The following NLGN4X variants were observed in gnomAD, a reference collection of about 807,000 sequenced individuals.
NLGN4X encodes neuroligin 4 X-linked.
A neutral mutation model predicts 40.3 loss-of-function variants in NLGN4X; 3 were observed. That is an observed-to-expected ratio of 0.07 (90% confidence interval 0.03 to 0.19). NLGN4X has a LOEUF of 0.19. Among genes scored for constraint, NLGN4X ranks in the 10% least tolerant of loss-of-function variants. NLGN4X has a pLI of 1.00. For missense variants in NLGN4X, 382 were observed against 708.3 expected, an observed-to-expected ratio of 0.54 and a Z score of 5.23; for synonymous variants, 270 against 306.8, an observed-to-expected ratio of 0.88 and a Z score of 1.25.
intron 3 of NLGN4X, among the ~76,000 whole-genome samples, chrX:5,945,029 A>G (rs1340261434): frequency 8.9e-6 from 1 of 112,346 alleles, no homozygotes; most frequent in Non-Finnish European, 1.9e-5. Flanking sequence ...GTAGTGTCTA[A>G]TAAAACAAAA....
At chrX:6,033,337 G>T (rs1177428648) in intron 2 of NLGN4X, among the ~76,000 whole-genome samples, 1 of 111,804 alleles carries the variant, frequency 8.9e-6, no homozygotes, top group Non-Finnish European at 1.9e-5. Flanking sequence ...AGTCAGAATT[G>T]TGACTAATTT....
chrX:5,944,024 C>T (rs1362495881), intron 3 of NLGN4X, among the ~76,000 whole-genome samples: 1 of 111,998 alleles, frequency 8.9e-6, no homozygotes, highest in Non-Finnish European at 1.9e-5. Context: ...CTCACCAACC[C>T]TGGATCTGGA....
chrX:6,195,185 C>G (rs759516662), intron 1 of NLGN4X, among the ~76,000 whole-genome samples: 1 of 111,963 alleles, frequency 8.9e-6, no homozygotes, highest in Admixed American at 9.5e-5. Context: ...CAGCATCTAA[C>G]TTGCTGAATT....
chrX:5,990,480 C>T (rs1004887219), intron 3 of NLGN4X, among the ~76,000 whole-genome samples: 5 of 111,377 alleles, frequency 4.5e-5, no homozygotes, highest in African/African-American at 9.8e-5. Flanking sequence ...CTGCATATCA[C>T]GAATGCTGGT....
At chrX:6,163,561 C>T (rs1356760860) in intron 1 of NLGN4X, among the ~76,000 whole-genome samples, 1 of 112,012 alleles carries the variant, frequency 8.9e-6, no homozygotes, top group Non-Finnish European at 1.9e-5. Context: ...CCACTGCCTC[C>T]CACCTGCTCC....
intron 2 of NLGN4X, among the ~76,000 whole-genome samples, chrX:6,087,273 A>G (rs1442871038): frequency 9.0e-6 from 1 of 111,428 alleles, no homozygotes; most frequent in African/African-American, 3.3e-5. Context: ...TTTTTTTAAT[A>G]CAGCAACATA....
At chrX:5,921,353 G>GCTT (rs1157472377) in intron 3 of NLGN4X, among the ~76,000 whole-genome samples, 1 of 99,652 alleles carries the variant, frequency 1.0e-5, no homozygotes, top group Non-Finnish European at 2.0e-5. Context: ...ACCCTAAGCT[G>GCTT]CTTCTCACTG....
At chrX:5,979,678 T>A (rs1422911478) in intron 3 of NLGN4X, among the ~76,000 whole-genome samples, 1 of 108,930 alleles carries the variant, frequency 9.2e-6, no homozygotes, top group Non-Finnish European at 1.9e-5. Context: ...TTCTGTCCAA[T>A]TGTTATGGGG....
intron 3 of NLGN4X, among the ~76,000 whole-genome samples, chrX:6,019,416 T>G: frequency 9.0e-6 from 1 of 111,703 alleles, no homozygotes; most frequent in Middle Eastern, 4.6e-3. Flanking sequence ...CTTGAGATGT[T>G]TTGGTACAGG....
intron 2 of NLGN4X, among the ~76,000 whole-genome samples, chrX:6,145,973 G>A (rs1336793668): frequency 9.0e-6 from 1 of 110,499 alleles, no homozygotes; most frequent in African/African-American, 3.3e-5. Context: ...AGATTAGCCA[G>A]GTATGGTGGA....
chrX:6,043,882 A>G (rs1332775168), intron 2 of NLGN4X, among the ~76,000 whole-genome samples: 1 of 111,285 alleles, frequency 9.0e-6, no homozygotes, highest in African/African-American at 3.3e-5. Flanking sequence ...TTTGGAAGAT[A>G]GAGTAATTAT....
At chrX:6,088,711 T>C (rs1253885132) in intron 2 of NLGN4X, among the ~76,000 whole-genome samples, 1 of 112,181 alleles carries the variant, frequency 8.9e-6, no homozygotes, top group Non-Finnish European at 1.9e-5. Flanking sequence ...TACTACTGTC[T>C]GTGTAGCTTT....
At position 6,044,734 on chromosome X, in the gene NLGN4X, A is replaced by ATCCC. The variant is rs2037268419; in HGVS notation, c.473-15303_473-15302insGGGA. Among the ~76,000 whole-genome samples the ATCCC allele has an allele frequency of 4.5e-5, 5 of 111,643 alleles. No individual in the cohort carries two copies. The Admixed American group carries it at 4.8e-4, about 11-fold the overall frequency. Reference sequence around the variant, plus strand: ...ACCCCTCTGGTGGGTGATGTGGAAAATAGGGAAGACCGTCCATGTATGGGG... The same window carrying ATCCC: ...ACCCCTCTGGTGGGTGATGTGGAAAATCCCTAGGGAAGACCGTCCATGTATGGGG... On this transcript the variant is annotated intron_variant, in intron 2 of 5. Transcript: ENST00000381095.
At chrX:6,192,236 T>C (rs756542066) in intron 1 of NLGN4X, among the ~76,000 whole-genome samples, 2 of 111,238 alleles carry the variant, frequency 1.8e-5, no homozygotes, top group South Asian at 7.7e-4. Context: ...CAAGCGATCC[T>C]CCCACCTCAG....
chrX:6,225,516 T>C, intron 1 of NLGN4X, among the ~76,000 whole-genome samples: 1 of 108,374 alleles, frequency 9.2e-6, no homozygotes, highest in Non-Finnish European at 1.9e-5. Flanking sequence ...CAAAGTCAGG[T>C]GTTTGCACCC....
intron 3 of NLGN4X, among the ~76,000 whole-genome samples, chrX:5,945,387 T>C (rs534461239): frequency 8.9e-6 from 1 of 112,167 alleles, no homozygotes; most frequent in Middle Eastern, 4.6e-3. Context: ...AAATGGCATA[T>C]GCTTCTGAAA....
chrX:6,103,403 G>A (rs2038961062), intron 2 of NLGN4X, among the ~76,000 whole-genome samples: 1 of 111,409 alleles, frequency 9.0e-6, no homozygotes, highest in South Asian at 3.8e-4. Flanking sequence ...CTTTTTAGAG[G>A]GTAAAAAATA....
intron 2 of NLGN4X, among the ~76,000 whole-genome samples, chrX:6,044,767 A>T (rs2037269708): frequency 8.9e-6 from 1 of 111,881 alleles, no homozygotes; most frequent in Non-Finnish European, 1.9e-5. Context: ...GGGGCAGGGG[A>T]TATATGAGAA....
At chrX:6,107,406 G>A (rs1005585412) in intron 2 of NLGN4X, among the ~76,000 whole-genome samples, 10 of 111,492 alleles carry the variant, frequency 9.0e-5, no homozygotes, top group African/African-American at 2.9e-4. Flanking sequence ...AATAAGAGGT[G>A]AAAGATGGTG....
Sources: gnomAD v4.1 joint callset for allele counts (sites outside exome capture counted in the v4.1 genomes callset) on GRCh38, gnomAD v4.1.1 for gene constraint, MANE v1.5 for transcripts, NCBI Gene and HGNC (gene_info 2026-07-23, HGNC 2026-07-21) for gene names.